Variants in PCDHGA6 observed in about 807,000 individuals in gnomAD.
PCDHGA6 encodes the protein protocadherin gamma subfamily A, 6.
In PCDHGA6, 41 loss-of-function variants were observed where a neutral mutation model predicts 60.6. The ratio of observed to expected loss-of-function variants is 0.68; its 90% CI spans 0.53 to 0.88. The LOEUF (loss-of-function observed/expected upper bound fraction) is 0.88, where lower values mean the gene tolerates loss of function less well. PCDHGA6 is among the 40% of genes least tolerant of loss of function. The pLI is 0.00. For missense variants in PCDHGA6, 1,312 were observed against 1,203.0 expected (o/e 1.09, Z -1.34); for synonymous variants, 594 against 524.4 (o/e 1.13, Z -1.81).
rs115982940 is a variant in PCDHGA6, at chr5:141,457,996, G to A, written c.2425-36811G>A. On this transcript the variant is annotated intron_variant, in intron 1 of 3. Transcript: ENST00000517434. ...AACACACCCTTTCAGTTAAAGCCTTGGCAAAATAACCGGTTTTTCCAATTG... is the reference window on the plus strand; with the variant it reads ...AACACACCCTTTCAGTTAAAGCCTTAGCAAAATAACCGGTTTTTCCAATTG... Among the ~76,000 whole-genome samples the A allele has an allele frequency of 2.4e-3, 372 of 152,212 alleles. 2 individuals carry two copies. Among genetic ancestry groups the A allele is most frequent in the African/African-American group, 8.4e-3 (347 of 41,522 alleles).
At chr5:141,460,983 G>GTGTA (rs1554142949) in intron 1 of PCDHGA6, among the ~76,000 whole-genome samples, 1,579 of 137,794 alleles carry the variant, frequency 0.011, 39 homozygotes, top group African/African-American at 0.038. Context: ...GTGTGTGTGT[G>GTGTA]TATATATATA....
chr5:141,414,642 C>A (rs547014431), intron 1 of PCDHGA6: 1 of 1,613,962 alleles, frequency 6.2e-7, no homozygotes, highest in Admixed American at 1.7e-5. Context: ...AAGAGAATGC[C>A]CAGATTATTT....
chr5:141,431,093 G>A lies in PCDHGA6; in HGVS notation c.2424+54586G>A. 6.2e-7 allele frequency: 1 copy of A among 1,614,250 alleles called. No individual in the cohort carries two copies. The highest frequency in any genetic ancestry group is 8.5e-7 in the Non-Finnish European group (1 of 1,180,032). On this transcript the variant is annotated intron_variant, in intron 1 of 3. Transcript: ENST00000517434. The surrounding 1 kb of genome is among the most constrained non-coding windows in gnomAD (Gnocchi z 4.8). Reference sequence around the variant, plus strand: ...ATTAAATCTAGACATTCTGATGGAGGATAAAGTGAAAATATATGGAGTAGA... The same window carrying A: ...ATTAAATCTAGACATTCTGATGGAGAATAAAGTGAAAATATATGGAGTAGA...
chr5:141,393,932 C>T (rs758815375), intron 1 of PCDHGA6: 1 of 1,613,916 alleles, frequency 6.2e-7, no homozygotes, highest in East Asian at 2.2e-5. Context: ...GTGTGCATGA[C>T]CAAGACTCTG....
rs761731200 is a variant in PCDHGA6, at chr5:141,477,252, T to C, written c.2425-17555T>C. The C allele has an allele frequency of 1.2e-6, 2 of 1,614,182 alleles. No homozygotes were observed. The highest frequency in any genetic ancestry group is 8.5e-7 in the Non-Finnish European group (1 of 1,180,034). ...ATCGCTTTGCTCAGTGTGACTGACCTGGATGCTGGCGAGAACGGGCTGGTG... is the reference window on the plus strand; with the variant it reads ...ATCGCTTTGCTCAGTGTGACTGACCCGGATGCTGGCGAGAACGGGCTGGTG... On this transcript the variant is annotated intron_variant, in intron 1 of 3. Transcript: ENST00000517434. The surrounding 1 kb of genome is among the most constrained non-coding windows in gnomAD (Gnocchi z 4.9).
chr5:141,382,954 C>T, intron 1 of PCDHGA6: 1 of 1,604,450 alleles, frequency 6.2e-7, no homozygotes, highest in East Asian at 2.2e-5. Flanking sequence ...GCTCTCCATC[C>T]TCCTGGGGAC....
Position 141,491,176 on chromosome 5 carries a change from G to A in PCDHGA6, c.2425-3631G>A. The A allele has an allele frequency of 1.2e-6, 2 of 1,614,210 alleles. No homozygotes were observed. The highest frequency in any genetic ancestry group is 8.5e-7 in the Non-Finnish European group (1 of 1,180,024). On this transcript the variant is annotated intron_variant, in intron 1 of 3. Transcript: ENST00000517434. The surrounding 1 kb of genome is among the most constrained non-coding windows in gnomAD (Gnocchi z 6.9). ...TGACTCTGACACCCAGCAGGTGGTG[G>A]TCCTGGTGAGGGACAATGGTGACCC...
intron 1 of PCDHGA6, chr5:141,413,424 G>T: frequency 6.2e-7 from 1 of 1,614,086 alleles, no homozygotes; most frequent in Non-Finnish European, 8.5e-7. Flanking sequence ...CTCTGAACCC[G>T]CGCAGCGGCA....
intron 2 of PCDHGA6, among the ~76,000 whole-genome samples, chr5:141,500,254 G>A (rs1260325865): frequency 1.3e-5 from 2 of 150,426 alleles, no homozygotes; most frequent in Non-Finnish European, 3.0e-5. Context: ...TGTCACCCAG[G>A]CTGGACTGCA....
intron 1 of PCDHGA6, chr5:141,384,334 C>G (rs1779970411): frequency 2.5e-6 from 4 of 1,613,846 alleles, no homozygotes; most frequent in Non-Finnish European, 2.5e-6. Flanking sequence ...TGCACAGGAC[C>G]ACGACAGTGA....
chr5:141,416,053 A>T (rs2095987443), intron 1 of PCDHGA6: 1 of 181,266 alleles, frequency 5.5e-6, no homozygotes, highest in South Asian at 1.8e-4. Flanking sequence ...CACAACCCAA[A>T]TCCAAGAATA....
Position 141,432,224 on chromosome 5 carries a change from T to C in PCDHGA6, c.2424+55717T>C. On this transcript the variant is annotated intron_variant, in intron 1 of 3. Transcript: ENST00000517434. The surrounding 1 kb of genome is among the most constrained non-coding windows in gnomAD (Gnocchi z 6.0). The stretch of plus-strand genomic sequence containing the variant: ...CTGTGAAGAGAACGCCCAGATCACT[T>C]ATTCCCTGGCTGAGAACACCATCCA... 6.2e-7 allele frequency: 1 copy of C among 1,614,138 alleles called. No homozygotes were observed. Among genetic ancestry groups the C allele is most frequent in the Non-Finnish European group, 8.5e-7 (1 of 1,180,024 alleles).
At position 141,375,379 on chromosome 5, in the gene PCDHGA6, G is replaced by A; in HGVS notation, c.1296G>A (p.Leu432=). 6.2e-7 allele frequency: 1 copy of A among 1,613,912 alleles called. No homozygotes were observed. Among genetic ancestry groups the A allele is most frequent in the Non-Finnish European group, 8.5e-7 (1 of 1,180,000 alleles). The change falls in exon 1 of 4, where the codon CTG becomes CTA. Residue 432 remains leucine, a synonymous_variant. Coordinates refer to ENST00000517434, the MANE Select transcript of PCDHGA6 (RefSeq NM_018919.3). ...CCACGGACAAAGGAACACCACCTCT[G>A]TCTACAGAAACAATCATCTCTCTAA... The part of the protein sequence containing the change: ...VTATDKGTPP[L]STETIISLNV...
At chr5:141,385,479 T>A in intron 1 of PCDHGA6, 6 of 1,429,214 alleles carry the variant, frequency 4.2e-6, no homozygotes, top group Non-Finnish European at 5.5e-6. Flanking sequence ...CACTTTAATA[T>A]AGAACACATA....
At chr5:141,422,280 C>A in intron 1 of PCDHGA6, 1 of 1,557,754 alleles carries the variant, frequency 6.4e-7, no homozygotes, top group Non-Finnish European at 8.6e-7. Context: ...TAACTATCAC[C>A]TCTTCTATTA....
In PCDHGA6 at chr5:141,476,702, C is replaced by A. The variant is rs751321222; in HGVS notation, c.2425-18105C>A. 1.4e-5 allele frequency: 23 copies of A among 1,614,104 alleles called. No individual in the cohort carries two copies. Among genetic ancestry groups the A allele is most frequent in the Non-Finnish European group, 1.7e-5 (20 of 1,180,050 alleles). ...GGAGGACAGCACCAAGTACGCGGAG[C>A]TGGTGTTGGAGCGCGCCCTGGACCG... is the stretch of plus-strand genomic sequence containing the variant. On this transcript the variant is annotated intron_variant, in intron 1 of 3. Coordinates refer to ENST00000517434, the MANE Select transcript of PCDHGA6 (RefSeq NM_018919.3). The surrounding 1 kb of genome is among the most constrained non-coding windows in gnomAD (Gnocchi z 7.6).
chr5:141,479,277 TC>T (rs2099491823), intron 1 of PCDHGA6: 1 of 152,362 alleles, frequency 6.6e-6, no homozygotes, highest in African/African-American at 2.4e-5. Flanking sequence ...ATAATTTATT[TC>T]AAAAATAAAT....
intron 1 of PCDHGA6, chr5:141,392,852 G>C: frequency 6.2e-7 from 1 of 1,611,984 alleles, no homozygotes; most frequent in East Asian, 2.2e-5. Flanking sequence ...GCGGCGAGCT[G>C]ATCCTGCTGT....
At chr5:141,481,812 C>T (rs2099545604) in intron 1 of PCDHGA6, among the ~76,000 whole-genome samples, 2 of 149,798 alleles carry the variant, frequency 1.3e-5, no homozygotes, top group South Asian at 2.1e-4. Context: ...ATTCACCAGG[C>T]GTGGTGGCTG....
Sources: gnomAD v4.1 joint callset for allele counts (sites outside exome capture counted in the v4.1 genomes callset) on GRCh38, gnomAD v4.1.1 for gene constraint, Gnocchi (gnomAD v3.1) non-coding constraint, MANE v1.5 for transcripts, NCBI Gene and HGNC (gene_info 2026-07-23, HGNC 2026-07-21) for gene names.